RALGAPB: variants seen among roughly 807,000 people sequenced by gnomAD.
The protein encoded by RALGAPB is Ral GTPase activating protein non-catalytic subunit beta, also known as ral GTPase-activating protein subunit beta.
In RALGAPB, 25 loss-of-function variants were observed where a neutral mutation model predicts 161.1. The observed-to-expected ratio is 0.16, with a 90% CI of 0.11 to 0.22. The LOEUF (loss-of-function observed/expected upper bound fraction) is 0.22, where lower values mean the gene tolerates loss of function less well. Ranked by LOEUF, RALGAPB falls within the 10% of genes least tolerant of loss-of-function variation. RALGAPB has a pLI of 1.00. For synonymous variants in RALGAPB, 629 were observed against 626.1 expected, an observed-to-expected ratio of 1.00 and a Z score of -0.07; for missense variants, 1,391 against 1,815.2, an observed-to-expected ratio of 0.77 and a Z score of 4.25.
intron 17 of RALGAPB, 47 bp from the exon 18 acceptor site, chr20:38,540,994 A>C: frequency 6.3e-7 from 1 of 1,591,158 alleles, no homozygotes; most frequent in Non-Finnish European, 8.6e-7. Context: ...TTGTCTTCTC[A>C]TGAGAAAGGT....
At chr20:38,569,766 T>C (rs2088159811) in intron 26 of RALGAPB, 122 bp from the exon 27 acceptor site, 3 of 680,696 alleles carry the variant, frequency 4.4e-6, no homozygotes, top group Non-Finnish European at 7.6e-6. Flanking sequence ...CTAAAGTGAT[T>C]TTCCATGACC....
chr20:38,559,163 A>G (rs2087700539), intron 23 of RALGAPB, among the ~76,000 whole-genome samples: 1 of 152,250 alleles, frequency 6.6e-6, no homozygotes, highest in Non-Finnish European at 1.5e-5. Context: ...GACAAAAGAA[A>G]CTGAAATAAC....
chr20:38,480,417 C>T (rs1268211082), intron 1 of RALGAPB, among the ~76,000 whole-genome samples: 2 of 133,186 alleles, frequency 1.5e-5, no homozygotes, highest in African/African-American at 3.1e-5. Flanking sequence ...GATGGAGTCT[C>T]GCTCTGTCAC....
rs375938087 is a variant in RALGAPB, at chr20:38,551,125, T to G, written c.3064T>G (p.Ser1022Ala). 42 of 1,613,974 alleles carry G rather than the reference T, an allele frequency of 2.6e-5. No homozygotes were observed. The African/African-American group carries it at 5.3e-4, about 20-fold the overall frequency. Residue 1022 changes from serine (S) to alanine (A), a missense_variant, in exon 21 of 30, where the codon TCT becomes GCT. Ser to Ala is a moderately conservative substitution (Grantham distance 99). Around this residue, in one of 3 missense-constraint regions of RALGAPB, gnomAD observed 946 missense variants for 1,257.2 expected, o/e 0.75. Coordinates refer to ENST00000262879, the MANE Select transcript of RALGAPB (RefSeq NM_020336.4). ...TAAAAATGACGTTGGATTTAAATATTCTGTGAAACATCGGCCATTTCCTGA... is the reference window on the plus strand; with the variant it reads ...TAAAAATGACGTTGGATTTAAATATGCTGTGAAACATCGGCCATTTCCTGA... ...VPKNDVGFKY[S>A]VKHRPFPEEV...
intron 6 of RALGAPB, among the ~76,000 whole-genome samples, chr20:38,514,573 T>G (rs1286586381): frequency 2.0e-5 from 3 of 152,232 alleles, no homozygotes; most frequent in Non-Finnish European, 4.4e-5. Flanking sequence ...ATGATTGTGA[T>G]TATTTGTGAT....
At chr20:38,484,327 A>T (rs1167163174) in intron 1 of RALGAPB, among the ~76,000 whole-genome samples, 2 of 152,184 alleles carry the variant, frequency 1.3e-5, no homozygotes, top group African/African-American at 4.8e-5. Context: ...TAGGACCTCC[A>T]TAGTTGGGTT....
chr20:38,492,305 A>G (rs2085302476), intron 2 of RALGAPB, among the ~76,000 whole-genome samples: 1 of 152,212 alleles, frequency 6.6e-6, no homozygotes, highest in South Asian at 2.1e-4. Context: ...AGTCCTTAGG[A>G]TGTGATTCAG....
intron 28 of RALGAPB, among the ~76,000 whole-genome samples, chr20:38,571,923 A>C (rs6064724): frequency 0.039 from 5,987 of 151,988 alleles, 188 homozygotes; most frequent in African/African-American, 0.092. Context: ...GTGCTATCTC[A>C]TTATGATTTT....
At chr20:38,474,253 C>T (rs1449403240) in intron 1 of RALGAPB, among the ~76,000 whole-genome samples, 1 of 152,148 alleles carries the variant, frequency 6.6e-6, no homozygotes, top group East Asian at 1.9e-4. Context: ...GCACACACTT[C>T]TGCTCTCTCC....
intron 21 of RALGAPB, 68 bp from the exon 22 acceptor site, chr20:38,553,799 A>AAC (rs1227633044): frequency 3.2e-6 from 3 of 929,996 alleles, no homozygotes; most frequent in African/African-American, 1.7e-5. Flanking sequence ...AAAAAAAAAA[A>AAC]AACACTTAAG....
intron 3 of RALGAPB, 43 bp from the exon 4 acceptor site, chr20:38,497,310 C>T: frequency 6.3e-7 from 1 of 1,584,580 alleles, no homozygotes. Context: ...CTGTTGCTGT[C>T]TCTCCTCCAG....
intron 2 of RALGAPB, among the ~76,000 whole-genome samples, chr20:38,490,102 C>T (rs993562163): frequency 2.0e-5 from 3 of 151,968 alleles, no homozygotes; most frequent in African/African-American, 7.2e-5. Context: ...TTCTGCCTCC[C>T]GGGTTCAAGC....
intron 10 of RALGAPB, 22 bp from the exon 11 acceptor site, chr20:38,524,756 A>G (rs970474818): frequency 1.3e-6 from 2 of 1,560,078 alleles, no homozygotes; most frequent in South Asian, 2.3e-5. Context: ...GTTTGTTTAA[A>G]ATTTTTTTCT....
At chr20:38,522,413 A>G (rs891513943) in intron 10 of RALGAPB, among the ~76,000 whole-genome samples, 1 of 152,206 alleles carries the variant, frequency 6.6e-6, no homozygotes, top group Non-Finnish European at 1.5e-5. Flanking sequence ...CCGATCAACC[A>G]ACTCTTGCCT....
chr20:38,556,241 A>G (rs950914069), intron 22 of RALGAPB, among the ~76,000 whole-genome samples: 1 of 152,186 alleles, frequency 6.6e-6, no homozygotes, highest in Admixed American at 6.5e-5. Context: ...TTTTTAGTCA[A>G]TGACGTTTTT....
In RALGAPB at chr20:38,509,143, G is replaced by A; in HGVS notation, c.807G>A (p.Leu269=). The stretch of plus-strand genomic sequence containing the variant: ...AAGTTCCCGATGAAGATGCCAGTCT[G>A]ATCCCTCCAGAAATGGATAATGAGT... The part of the protein sequence containing the change: ...AFKVPDEDAS[L]IPPEMDNECV... Residue 269 remains leucine (L), a synonymous_variant, in exon 6 of 30, where the codon CTG becomes CTA. Coordinates refer to ENST00000262879, the MANE Select transcript of RALGAPB (RefSeq NM_020336.4). The A allele has an allele frequency of 6.2e-7, 1 of 1,613,462 alleles. No individual in the cohort carries two copies. Among genetic ancestry groups the A allele is most frequent in the Non-Finnish European group, 8.5e-7 (1 of 1,179,376 alleles).
chr20:38,561,707 G>A (rs868734171), intron 23 of RALGAPB, among the ~76,000 whole-genome samples: 9 of 152,150 alleles, frequency 5.9e-5, no homozygotes, highest in African/African-American at 1.7e-4. Flanking sequence ...TTAAAAGTGA[G>A]TTTTTCAAGA....
In RALGAPB at chr20:38,488,579, A is replaced by G. The variant is rs1016993787; in HGVS notation, c.147A>G (p.Ser49=). The change falls in exon 2 of 30, where the codon TCA becomes TCG. Residue 49 remains serine (S), a synonymous_variant. Coordinates refer to ENST00000262879, the MANE Select transcript of RALGAPB (RefSeq NM_020336.4). ...TTGGGCAGGTGTTAGGTACCCCTTCAGTGGCTGGTAGTGAGAATTTGTTAA... is the reference window on the plus strand; with the variant it reads ...TTGGGCAGGTGTTAGGTACCCCTTCGGTGGCTGGTAGTGAGAATTTGTTAA... ...RPLGQVLGTP[S]VAGSENLLKT... is the part of the protein sequence containing the mutation. The G allele has an allele frequency of 6.8e-6, 11 of 1,613,208 alleles. No individual in the cohort carries two copies. The highest frequency in any genetic ancestry group is 8.5e-6 in the Non-Finnish European group (10 of 1,179,768).
At chr20:38,502,185 A>G (rs1172078304) in intron 5 of RALGAPB, among the ~76,000 whole-genome samples, 1 of 152,178 alleles carries the variant, frequency 6.6e-6, no homozygotes, top group Non-Finnish European at 1.5e-5. Context: ...CAATGAGCTC[A>G]GGTGTTGTGA....
Sources: allele counts gnomAD v4.1 joint callset (sites outside exome capture counted in the v4.1 genomes callset), GRCh38; gene constraint gnomAD v4.1.1; regional missense constraint gnomAD v4.1.1; transcripts MANE v1.5; gene names NCBI Gene and HGNC (gene_info 2026-07-23, HGNC 2026-07-21).